Variants in POLN observed in about 807,000 individuals in gnomAD.
POLN encodes DNA polymerase N.
POLN carries 108 observed loss-of-function variants against 113.5 expected under a neutral mutation model. The ratio of observed to expected loss-of-function variants is 0.95; its 90% CI spans 0.81 to 1.12. POLN has a LOEUF of 1.12. Ranked by LOEUF, POLN falls within the 50% of genes most tolerant of loss-of-function variation. The probability of loss-of-function intolerance (pLI) is 0.00; values close to 1 mark genes in which losing one functional copy is unlikely to be tolerated. For missense variants in POLN, 1,097 were observed against 1,077.1 expected, an observed-to-expected ratio of 1.02 and a Z score of -0.26; for synonymous variants, 386 against 391.5, an observed-to-expected ratio of 0.99 and a Z score of 0.17.
intron 3 of POLN, among the ~76,000 whole-genome samples, chr4:2,226,741 A>G (rs1166336851): frequency 6.6e-6 from 1 of 152,234 alleles, no homozygotes; most frequent in Admixed American, 6.5e-5. Flanking sequence ...TAGTGTTTGT[A>G]AAAGTAAATA....
At position 2,193,199 on chromosome 4, in the gene POLN, C is replaced by T; in HGVS notation, c.1021+5G>A. The T allele has an allele frequency of 6.3e-7, 1 of 1,575,510 alleles. No individual in the cohort carries two copies. The highest frequency in any genetic ancestry group is 8.7e-7 in the Non-Finnish European group (1 of 1,150,488). ...ATTATAGAGAGAATAAAAAATATAA[C>T]TTACCATGCTTCCAACTGCCATCAT... On this transcript the variant is annotated splice_donor_5th_base_variant and intron_variant, in intron 7 of 25. Transcript: ENST00000511885.
At chr4:2,231,986 C>G in intron 2 of POLN, 1 of 1,494,736 alleles carries the variant, frequency 6.7e-7, no homozygotes, top group East Asian at 2.3e-5. Context: ...TCCACAATAT[C>G]TTTCAGATAA....
intron 5 of POLN, among the ~76,000 whole-genome samples, chr4:2,204,109 C>CAAAA (rs566255148): frequency 1.9e-5 from 1 of 53,232 alleles, no homozygotes; most frequent in Non-Finnish European, 3.5e-5. Flanking sequence ...AACTCTATCA[C>CAAAA]AAAAAAAAAA....
At chr4:2,134,427 A>C (rs1731802379) in intron 16 of POLN, among the ~76,000 whole-genome samples, 1 of 152,244 alleles carries the variant, frequency 6.6e-6, no homozygotes, top group Admixed American at 6.5e-5. Context: ...AGAAACTGCC[A>C]AACTCGAAAA....
chr4:2,085,748 T>C lies in POLN; in HGVS notation c.2066-4A>G. 6.2e-7 allele frequency: 1 copy of C among 1,613,548 alleles called. No individual in the cohort carries two copies. The highest frequency in any genetic ancestry group is 8.5e-7 in the Non-Finnish European group (1 of 1,180,014). ...CAAGCAGCCAGCCGCTCCTTCCCTGTCAGTCAGAGAGACGCATGTCAAAGC... is the reference window on the plus strand; with the variant it reads ...CAAGCAGCCAGCCGCTCCTTCCCTGCCAGTCAGAGAGACGCATGTCAAAGC... On this transcript the variant is annotated splice_region_variant and splice_polypyrimidine_tract_variant and intron_variant, in intron 20 of 25. Transcript: ENST00000511885.
chr4:2,168,499 C>G (rs543579725), intron 13 of POLN, among the ~76,000 whole-genome samples: 3 of 152,322 alleles, frequency 2.0e-5, no homozygotes, highest in African/African-American at 7.2e-5. Flanking sequence ...CTCATCATGT[C>G]TTTATGGGAG....
chr4:2,100,550 C>A (rs185006127), intron 19 of POLN, among the ~76,000 whole-genome samples: 1 of 152,182 alleles, frequency 6.6e-6, no homozygotes, highest in African/African-American at 2.4e-5. Context: ...TTTGCCATAT[C>A]CAGTTTTACC....
At chr4:2,080,186 A>G in intron 23 of POLN, 1 of 986,678 alleles carries the variant, frequency 1.0e-6, no homozygotes, top group Non-Finnish European at 1.2e-6. Flanking sequence ...GAACGAGGAG[A>G]GGAGGTGTCT....
At chr4:2,210,618 TAA>T (rs1560095092) in intron 4 of POLN, among the ~76,000 whole-genome samples, 4 of 133,482 alleles carry the variant, frequency 3.0e-5, no homozygotes, top group African/African-American at 1.3e-4. Flanking sequence ...ATAATAATAA[TAA>T]TAATAATAAT....
intron 4 of POLN, among the ~76,000 whole-genome samples, chr4:2,211,681 T>G (rs1213344046): frequency 6.6e-6 from 1 of 151,326 alleles, no homozygotes. Flanking sequence ...GGAGGCTGAG[T>G]TGGGAGGATC....
At chr4:2,095,775 G>T in intron 20 of POLN, 76 bp downstream of exon 20, 2 of 1,326,650 alleles carry the variant, frequency 1.5e-6, no homozygotes, top group Admixed American at 3.4e-5. Flanking sequence ...CTGAGGCACA[G>T]CCACATTTAA....
intron 4 of POLN, among the ~76,000 whole-genome samples, chr4:2,208,951 G>A (rs1733924174): frequency 6.6e-6 from 1 of 151,904 alleles, no homozygotes; most frequent in Admixed American, 6.6e-5. Context: ...TTGCACCATT[G>A]CACTCCAGCT....
At chr4:2,232,429 C>T (rs1560102615) in intron 2 of POLN, among the ~76,000 whole-genome samples, 1 of 152,168 alleles carries the variant, frequency 6.6e-6, no homozygotes, top group African/African-American at 2.4e-5. Context: ...TCTGTGCATT[C>T]ATATATTCAA....
chr4:2,096,862 G>A (rs577565520), intron 19 of POLN, among the ~76,000 whole-genome samples: 18 of 152,210 alleles, frequency 1.2e-4, no homozygotes, highest in Admixed American at 4.6e-4. Flanking sequence ...CTTCCTACTT[G>A]CACTGAGCAT....
chr4:2,129,168 C>T lies in POLN; in HGVS notation c.1867+11G>A. The T allele has an allele frequency of 1.3e-6, 2 of 1,553,694 alleles. No individual in the cohort carries two copies. Among genetic ancestry groups the T allele is most frequent in the Non-Finnish European group, 1.8e-6 (2 of 1,126,886 alleles). On this transcript the variant is annotated intron_variant, in intron 18 of 25. Transcript: ENST00000511885. ...CTATGAAAATGCATAAAGCAAGCTACAGCAACGTACCTGCTGCTAGAAAGG... is the reference window on the plus strand; with the variant it reads ...CTATGAAAATGCATAAAGCAAGCTATAGCAACGTACCTGCTGCTAGAAAGG...
chr4:2,134,308 G>A (rs1731798717), intron 16 of POLN, among the ~76,000 whole-genome samples: 1 of 152,192 alleles, frequency 6.6e-6, no homozygotes, highest in South Asian at 2.1e-4. Context: ...TATGAATAAA[G>A]ATGCCATAAG....
intron 8 of POLN, among the ~76,000 whole-genome samples, chr4:2,178,393 C>T (rs921230402): frequency 6.6e-6 from 1 of 152,372 alleles, no homozygotes; most frequent in Admixed American, 6.5e-5. Context: ...TACCATGTAA[C>T]TGTTCACTGA....
rs148289873 is a variant in POLN, at chr4:2,199,653, C to T, written c.715-936G>A. Among the ~76,000 whole-genome samples, 365 of 152,118 alleles carry T rather than the reference C, an allele frequency of 2.4e-3. 1 individual carries two copies. Among genetic ancestry groups the T allele is most frequent in the African/African-American group, 8.4e-3 (348 of 41,510 alleles). ...GTGCAGTGGCGCAATCTCAGCTCAC[C>T]ACAACCTCCACCTCCCAGGTTCAAG... On this transcript the variant is annotated intron_variant, in intron 5 of 25. Coordinates refer to ENST00000511885, the MANE Select transcript of POLN (RefSeq NM_181808.4).
intron 19 of POLN, among the ~76,000 whole-genome samples, chr4:2,106,329 C>T (rs1731065607): frequency 6.6e-6 from 1 of 152,252 alleles, no homozygotes; most frequent in African/African-American, 2.4e-5. Flanking sequence ...AACTACGACA[C>T]TCTTCTCTCT....
Sources: allele counts gnomAD v4.1 joint callset (sites outside exome capture counted in the v4.1 genomes callset), GRCh38; gene constraint gnomAD v4.1.1; transcripts MANE v1.5; gene names NCBI Gene and HGNC (gene_info 2026-07-23, HGNC 2026-07-21).